SLC25A13: variants seen among roughly 807,000 people sequenced by gnomAD.
The protein encoded by SLC25A13 is electrogenic aspartate/glutamate antiporter SLC25A13, mitochondrial.
Under a neutral mutation model 85.5 loss-of-function variants are expected in SLC25A13, and 70 were observed. The ratio of observed to expected loss-of-function variants is 0.82; its 90% CI spans 0.68 to 1.00. The LOEUF (loss-of-function observed/expected upper bound fraction) is 1.00, where lower values mean the gene tolerates loss of function less well. SLC25A13 is among the 50% of genes least tolerant of loss of function. SLC25A13 has a pLI of 0.00. For synonymous variants in SLC25A13, 259 were observed against 288.7 expected, an observed-to-expected ratio of 0.90 and a Z score of 1.04; for missense variants, 765 against 819.8, an observed-to-expected ratio of 0.93 and a Z score of 0.82.
In SLC25A13 at chr7:96,277,123, T is replaced by G. The variant is rs555133066; in HGVS notation, c.212+73A>C. Reference sequence around the variant, plus strand: ...ATGGGAAGGTATACATTTAATGACTTCCTGGTCATTAGAGCAAAAGAAAGC... The same window carrying G: ...ATGGGAAGGTATACATTTAATGACTGCCTGGTCATTAGAGCAAAAGAAAGC... On this transcript the variant is annotated intron_variant, in intron 3 of 17. Coordinates refer to ENST00000265631, the MANE Select transcript of SLC25A13 (RefSeq NM_014251.3). 1.6e-5 allele frequency: 23 copies of G among 1,439,724 alleles called. 1 individual carries two copies. In the South Asian group the frequency reaches 3.0e-4, roughly 18 times the overall value. The allele number at this position is 1,439,724 out of a possible 1,614,324, so 89.2% of individuals were successfully genotyped here.
intron 8 of SLC25A13, 27 bp from the exon 9 acceptor site, chr7:96,189,405 A>G: frequency 6.3e-7 from 1 of 1,595,546 alleles, no homozygotes; most frequent in Non-Finnish European, 8.6e-7. Flanking sequence ...AACACAAGCA[A>G]CAAATATACC....
At chr7:96,180,375 C>T (rs928883153) in intron 11 of SLC25A13, among the ~76,000 whole-genome samples, 6 of 152,066 alleles carry the variant, frequency 3.9e-5, no homozygotes, top group Non-Finnish European at 7.4e-5. Flanking sequence ...GAGTTTCACT[C>T]TTGTCTCCCA....
intron 3 of SLC25A13, among the ~76,000 whole-genome samples, chr7:96,273,552 A>G (rs1798327187): frequency 6.6e-6 from 1 of 152,210 alleles, no homozygotes; most frequent in African/African-American, 2.4e-5. Context: ...TGTGATGTGT[A>G]CAATTTACAC....
intron 11 of SLC25A13, among the ~76,000 whole-genome samples, chr7:96,173,390 G>A (rs1236539324): frequency 6.6e-6 from 1 of 152,174 alleles, no homozygotes; most frequent in African/African-American, 2.4e-5. Flanking sequence ...TAGCTGTTAA[G>A]TGGTGAGACT....
At chr7:96,183,868 T>C (rs373539492) in intron 11 of SLC25A13, among the ~76,000 whole-genome samples, 71 of 152,270 alleles carry the variant, frequency 4.7e-4, no homozygotes, top group African/African-American at 1.7e-3. Context: ...AGAGCTCTAC[T>C]GAACCCTTCG....
At chr7:96,174,874 A>G (rs1414136634) in intron 11 of SLC25A13, among the ~76,000 whole-genome samples, 1 of 152,246 alleles carries the variant, frequency 6.6e-6, no homozygotes, top group African/African-American at 2.4e-5. Flanking sequence ...TAAGACTACA[A>G]AGAAGGCAAC....
At chr7:96,318,926 G>A (rs369647512) in intron 1 of SLC25A13, among the ~76,000 whole-genome samples, 164 of 152,294 alleles carry the variant, frequency 1.1e-3, no homozygotes, top group Non-Finnish European at 2.0e-3. Context: ...CAACTTTTAA[G>A]AGGGAATGCC....
intron 5 of SLC25A13, among the ~76,000 whole-genome samples, chr7:96,207,552 C>T (rs1795507000): frequency 1.3e-5 from 2 of 151,942 alleles, no homozygotes; most frequent in African/African-American, 4.8e-5. Flanking sequence ...CAAATGAGTC[C>T]CCTTACATGA....
At chr7:96,311,942 C>T (rs531702688) in intron 1 of SLC25A13, among the ~76,000 whole-genome samples, 1 of 152,224 alleles carries the variant, frequency 6.6e-6, no homozygotes, top group South Asian at 2.1e-4. Context: ...TGTTATGTCC[C>T]GTTCACAAAC....
chr7:96,182,403 A>G (rs1251099821), intron 11 of SLC25A13, among the ~76,000 whole-genome samples: 2 of 152,256 alleles, frequency 1.3e-5, no homozygotes, highest in African/African-American at 4.8e-5. Context: ...TCATCCTGAC[A>G]GACAGCTCTG....
intron 3 of SLC25A13, among the ~76,000 whole-genome samples, chr7:96,270,576 T>C (rs1219599360): frequency 6.7e-6 from 1 of 148,592 alleles, no homozygotes; most frequent in East Asian, 2.0e-4. Flanking sequence ...AAAAGAGAAA[T>C]ATAAATACCT....
At chr7:96,129,659 G>A (rs893979855) in intron 15 of SLC25A13, among the ~76,000 whole-genome samples, 9 of 152,058 alleles carry the variant, frequency 5.9e-5, no homozygotes, top group African/African-American at 2.2e-4. Flanking sequence ...TATATATCAG[G>A]CACTATTTTA....
At chr7:96,200,664 C>T (rs1291128703) in intron 5 of SLC25A13, among the ~76,000 whole-genome samples, 1 of 152,120 alleles carries the variant, frequency 6.6e-6, no homozygotes, top group East Asian at 1.9e-4. Context: ...TGTGGCTCAG[C>T]ATGCACTGCA....
intron 14 of SLC25A13, among the ~76,000 whole-genome samples, chr7:96,138,944 T>A (rs895348973): frequency 2.0e-5 from 3 of 152,200 alleles, no homozygotes; most frequent in African/African-American, 7.2e-5. Context: ...AGACCTGGCC[T>A]GGAGAGGTTG....
At chr7:96,304,018 T>A (rs901076191) in intron 1 of SLC25A13, among the ~76,000 whole-genome samples, 1 of 152,096 alleles carries the variant, frequency 6.6e-6, no homozygotes, top group Non-Finnish European at 1.5e-5. Context: ...AAAAGAAAGT[T>A]TGGAATTCCC....
At chr7:96,135,204 A>G (rs1333100551) in intron 14 of SLC25A13, among the ~76,000 whole-genome samples, 1 of 152,174 alleles carries the variant, frequency 6.6e-6, no homozygotes, top group Non-Finnish European at 1.5e-5. Flanking sequence ...CATTACAAAC[A>G]TTAAAGGACA....
At chr7:96,127,777 A>G (rs1791790119) in intron 15 of SLC25A13, among the ~76,000 whole-genome samples, 1 of 152,238 alleles carries the variant, frequency 6.6e-6, no homozygotes, top group South Asian at 2.1e-4. Context: ...ACAATTATTC[A>G]TTGTAGTTGC....
At chr7:96,156,480 C>T (rs1006386962) in intron 13 of SLC25A13, among the ~76,000 whole-genome samples, 1 of 151,058 alleles carries the variant, frequency 6.6e-6, no homozygotes, top group East Asian at 2.0e-4. Flanking sequence ...GAGACAGAAT[C>T]TCCGTCTGTC....
intron 4 of SLC25A13, among the ~76,000 whole-genome samples, chr7:96,215,387 G>A (rs913527464): frequency 6.6e-6 from 1 of 152,100 alleles, no homozygotes; most frequent in Non-Finnish European, 1.5e-5. Flanking sequence ...GATCCACCAC[G>A]CCTGGCACGA....
Sources: allele counts gnomAD v4.1 joint callset (sites outside exome capture counted in the v4.1 genomes callset), GRCh38; gene constraint gnomAD v4.1.1; transcripts MANE v1.5; gene names NCBI Gene and HGNC (gene_info 2026-07-23, HGNC 2026-07-21).